CYP27C1: variants seen among roughly 807,000 people sequenced by gnomAD.
CYP27C1 encodes the protein cytochrome P450 27C1.
A neutral mutation model predicts 40.6 loss-of-function variants in CYP27C1; 29 were observed. That is an observed-to-expected ratio of 0.71 (90% confidence interval 0.53 to 0.97). CYP27C1 has a LOEUF of 0.97. CYP27C1 is among the 50% of genes least tolerant of loss of function. CYP27C1 has a pLI of 0.00. For synonymous variants in CYP27C1, 198 were observed against 186.8 expected (o/e 1.06, Z -0.49); for missense variants, 390 against 485.8 (o/e 0.80, Z 1.85).
chr2:127,195,733 A>C lies in CYP27C1; in HGVS notation c.1048-232T>G, dbSNP rs1210347370. Among the ~76,000 whole-genome samples the C allele has an allele frequency of 6.6e-6, 1 of 152,246 alleles. No individual in the cohort carries two copies. The highest frequency in any genetic ancestry group is 2.4e-5 in the African/African-American group (1 of 41,472). Reference sequence around the variant, plus strand: ...GTATTTGGCAAGTGACATTGACTCTATGATTCATGTGCTCCTGTCATGAAG... The same window carrying C: ...GTATTTGGCAAGTGACATTGACTCTCTGATTCATGTGCTCCTGTCATGAAG... On this transcript the variant is annotated intron_variant, in intron 5 of 8. Transcript: ENST00000664447. The surrounding 1 kb of genome is among the most constrained non-coding windows in gnomAD (Gnocchi z 6.2).
intron 8 of CYP27C1, among the ~76,000 whole-genome samples, chr2:127,191,784 T>C (rs1302897900): frequency 6.6e-6 from 1 of 152,182 alleles, no homozygotes; most frequent in Non-Finnish European, 1.5e-5. Flanking sequence ...GAGCTCCCCC[T>C]ACACATCGAG....
At chr2:127,197,871 G>A (rs1037476555) in intron 5 of CYP27C1, among the ~76,000 whole-genome samples, 33 of 150,408 alleles carry the variant, frequency 2.2e-4, no homozygotes, top group African/African-American at 7.8e-4. Flanking sequence ...TATTCCCCCC[G>A]GACCATGCCA....
chr2:127,208,529 C>T lies in CYP27C1; in HGVS notation c.283-2439G>A, dbSNP rs1683276508. ...GACCAGCACCAGCTGCGGCTGCCTG[C>T]TGTCTAAGTAATTTGAGCTCCTTGG... On this transcript the variant is annotated intron_variant, in intron 1 of 8. Coordinates refer to ENST00000664447, the MANE Select transcript of CYP27C1 (RefSeq NM_001367502.1). This position sits in a 1 kb window ranked among gnomAD's most constrained non-coding sequence, Gnocchi z 5.2. Among the ~76,000 whole-genome samples the T allele has an allele frequency of 6.6e-6, 1 of 152,220 alleles. No individual in the cohort carries two copies. Among genetic ancestry groups the T allele is most frequent in the Non-Finnish European group, 1.5e-5 (1 of 68,036 alleles).
In CYP27C1 at chr2:127,219,900, CGCGCCCCTCCCTG is replaced by C. The variant is rs1683515430; in HGVS notation, c.282+76_282+88del. On this transcript the variant is annotated intron_variant, in intron 1 of 8. Coordinates refer to ENST00000664447, the MANE Select transcript of CYP27C1 (RefSeq NM_001367502.1). This position sits in a 1 kb window ranked among gnomAD's most constrained non-coding sequence, Gnocchi z 8.7. ...GCCCCTCCCTGGGACTCCCCAACCC[CGCGCCCCTCCCTG>C]GCGCCCTCCCGCCCGCGCCGTCAGC... The C allele has an allele frequency of 6.6e-6, 1 of 152,294 alleles. No homozygotes were observed. Among genetic ancestry groups the C allele is most frequent in the African/African-American group, 2.4e-5 (1 of 41,408 alleles). 9.4% of individuals were successfully genotyped at this position (152,294 alleles called of 1,614,324 possible).
rs1266565262 is a variant in CYP27C1 at position 127,196,300 on chromosome 2, T to A, written c.1048-799A>T. 6.6e-6 allele frequency among the ~76,000 whole-genome samples: 1 copy of A among 151,966 alleles called. No individual in the cohort carries two copies. ...TGGTCTGGAACTCCTGACCTTGTGA[T>A]CTGCCCACCTCGGGTCTCCCAAAGT... On this transcript the variant is annotated intron_variant, in intron 5 of 8. Coordinates refer to ENST00000664447, the MANE Select transcript of CYP27C1 (RefSeq NM_001367502.1). The surrounding 1 kb of genome is among the most constrained non-coding windows in gnomAD (Gnocchi z 4.5).
Position 127,193,185 on chromosome 2 carries a change from T to C in CYP27C1, c.1406A>G (p.Asp469Gly), listed in dbSNP as rs1682821335. 6.2e-7 allele frequency: 1 copy of C among 1,614,034 alleles called. No individual in the cohort carries two copies. ...ACCAAAGGGGATGGATCCAAAATTG[T>C]CAACTCTATCTAAGTCTCCTTTCCG... ...WLRKGDLDRV[D>G]NFGSIPFGHG... Residue 469 changes from aspartate (D) to glycine (G), a missense_variant, in exon 8 of 9, where the codon GAC (aspartate) becomes GGC (glycine). Coordinates refer to ENST00000664447, the MANE Select transcript of CYP27C1 (RefSeq NM_001367502.1).
chr2:127,199,284 C>T, intron 5 of CYP27C1, 92 bp downstream of exon 5: 1 of 1,514,730 alleles, frequency 6.6e-7, no homozygotes, highest in Non-Finnish European at 8.9e-7. Flanking sequence ...AAAACTCCAT[C>T]CTCCCGCTCC....
At position 127,193,201 on chromosome 2, in the gene CYP27C1, C is replaced by G. The variant is rs781106849; in HGVS notation, c.1390G>C (p.Asp464His). Residue 464 changes from aspartate to histidine, a missense_variant, in exon 8 of 9, where the codon GAC (aspartate) becomes CAC (histidine). Transcript: ENST00000664447. ...CCAAAATTGTCAACTCTATCTAAGT[C>G]TCCTTTCCGCAGCCAGCGCTCAGGC... The part of the protein sequence containing the change: ...FRPERWLRKG[D>H]LDRVDNFGSI... The G allele has an allele frequency of 1.9e-6, 3 of 1,614,114 alleles. No homozygotes were observed. In the African/African-American group the frequency reaches 4.0e-5, roughly 22 times the overall value.
intron 1 of CYP27C1, among the ~76,000 whole-genome samples, chr2:127,213,612 T>C (rs995439013): frequency 1.3e-5 from 2 of 152,096 alleles, no homozygotes; most frequent in African/African-American, 4.8e-5. Flanking sequence ...TGGCTAGCCA[T>C]ATGCATAAAA....
At chr2:127,198,073 T>A (rs143787926) in intron 5 of CYP27C1, among the ~76,000 whole-genome samples, 1 of 151,970 alleles carries the variant, frequency 6.6e-6, no homozygotes, top group Non-Finnish European at 1.5e-5. Context: ...GCCTGTGGGT[T>A]CCCCCCAGGT....
chr2:127,211,188 C>T (rs188515571), intron 1 of CYP27C1, among the ~76,000 whole-genome samples: 1 of 152,066 alleles, frequency 6.6e-6, no homozygotes, highest in African/African-American at 2.4e-5. Flanking sequence ...GAAATTAGAT[C>T]TTAGGATTAA....
chr2:127,184,758 C>T lies in CYP27C1; in HGVS notation c.*2513G>A, dbSNP rs35887875. 0.43 allele frequency: 64,818 copies of T among 152,038 alleles called. 14,551 individuals are homozygous for T. Among genetic ancestry groups the T allele is most frequent in the East Asian group, 0.62 (3,199 of 5,160 alleles). 9.4% of individuals were successfully genotyped at this position (152,038 alleles called of 1,614,324 possible). A position where few individuals can be genotyped will look rare whatever the true frequency, so the allele number is the denominator to read the frequency against. On this transcript the variant is annotated 3_prime_UTR_variant, in exon 9 of 9. Transcript: ENST00000664447. ...TCACGTATTTGTTTTGTTGGAAACCCGAGACATTGGTCCTATAGACCTCAC... is the reference window on the plus strand; with the variant it reads ...TCACGTATTTGTTTTGTTGGAAACCTGAGACATTGGTCCTATAGACCTCAC...
chr2:127,197,415 C>T (rs758701703), intron 5 of CYP27C1, among the ~76,000 whole-genome samples: 3 of 151,858 alleles, frequency 2.0e-5, no homozygotes, highest in Non-Finnish European at 4.4e-5. Context: ...GCTTTTTTGC[C>T]CCTTTAAGAT....
intron 1 of CYP27C1, among the ~76,000 whole-genome samples, chr2:127,213,755 T>C (rs1443024072): frequency 6.6e-6 from 1 of 152,136 alleles, no homozygotes; most frequent in Non-Finnish European, 1.5e-5. Flanking sequence ...CACAGGCATC[T>C]GCAAAGATTT....
At chr2:127,207,616 G>A (rs1234873853) in intron 1 of CYP27C1, among the ~76,000 whole-genome samples, 1 of 151,998 alleles carries the variant, frequency 6.6e-6, no homozygotes, top group Non-Finnish European at 1.5e-5. Flanking sequence ...GTTGCAGTGA[G>A]TGAAGATTGT....
rs1682875379 is a variant in CYP27C1 at position 127,195,267 on chromosome 2, CTTG to C, written c.1214+65_1214+67del. 21 of 1,601,274 alleles carry C rather than the reference CTTG, an allele frequency of 1.3e-5. No individual in the cohort carries two copies. In the South Asian group the frequency reaches 1.6e-4, roughly 12 times the overall value. On this transcript the variant is annotated intron_variant, in intron 6 of 8. Transcript: ENST00000664447. The surrounding 1 kb of genome is among the most constrained non-coding windows in gnomAD (Gnocchi z 6.2). ...GTCAGCCGGGGGGGCATTTGGAGGA[CTTG>C]TTGTGATAGAGAACCAGGGACCTAA...
At chr2:127,190,177 C>G (rs912892739) in intron 8 of CYP27C1, among the ~76,000 whole-genome samples, 16 of 151,982 alleles carry the variant, frequency 1.1e-4, no homozygotes, top group African/African-American at 3.6e-4. Flanking sequence ...ATTTGGATCA[C>G]TTATATTTTT....
chr2:127,203,169 GAA>G (rs11394846), intron 3 of CYP27C1, among the ~76,000 whole-genome samples: 4 of 133,388 alleles, frequency 3.0e-5, no homozygotes, highest in African/African-American at 5.7e-5. Flanking sequence ...CTTCATCTCA[GAA>G]AAAAAAAAAA....
chr2:127,190,132 C>A (rs1482040760), intron 8 of CYP27C1, among the ~76,000 whole-genome samples: 1 of 152,018 alleles, frequency 6.6e-6, no homozygotes, highest in East Asian at 1.9e-4. Flanking sequence ...CTCACTGATT[C>A]GATATCTTAG....
Sources: allele counts gnomAD v4.1 joint callset (sites outside exome capture counted in the v4.1 genomes callset), GRCh38; gene constraint gnomAD v4.1.1; non-coding constraint Gnocchi (gnomAD v3.1); transcripts MANE v1.5; gene names NCBI Gene and HGNC (gene_info 2026-07-23, HGNC 2026-07-21).